The following TNS2 variants were observed in gnomAD, a reference collection of about 807,000 sequenced individuals.
TNS2 encodes the protein tensin 2.
Under a neutral mutation model 155.7 loss-of-function variants are expected in TNS2, and 77 were observed. The observed-to-expected ratio is 0.49, with a 90% CI of 0.41 to 0.60. The LOEUF (loss-of-function observed/expected upper bound fraction) is 0.60. Ranked by LOEUF, TNS2 falls within the 20% of genes least tolerant of loss-of-function variation. TNS2 has a pLI of 0.00. For synonymous variants in TNS2, 726 were observed against 763.9 expected, an observed-to-expected ratio of 0.95 and a Z score of 0.82; for missense variants, 1,703 against 1,868.8, an observed-to-expected ratio of 0.91 and a Z score of 1.64.
rs1232161429 is a variant in TNS2 at position 53,058,387 on chromosome 12, C to T, written c.1167C>T (p.Cys389=). 1.9e-6 allele frequency: 3 copies of T among 1,614,206 alleles called. No homozygotes were observed. Among genetic ancestry groups the T allele is most frequent in the Non-Finnish European group, 8.5e-7 (1 of 1,180,030 alleles). ...TLVFRVQFHT[C]TIHGPQLTFP... ...TGTTCCGAGTCCAGTTCCACACCTG[C>T]ACCATCCACGGACCACAGCTCACTT... is the stretch of plus-strand genomic sequence containing the variant. Residue 389 remains cysteine, a synonymous_variant, in exon 15 of 29, where the codon TGC becomes TGT. Transcript: ENST00000314250.
chr12:53,048,571 C>A (rs1943811212), upstream of TNS2, among the ~76,000 whole-genome samples: 1 of 152,172 alleles, frequency 6.6e-6, no homozygotes. Flanking sequence ...CACAGCCAGG[C>A]TGGCAGGATG....
chr12:53,058,523 A>G, intron 15 of TNS2, 49 bp from the exon 16 acceptor site: 1 of 1,612,444 alleles, frequency 6.2e-7, no homozygotes, highest in Middle Eastern at 1.6e-4. Context: ...CAGGCAGGAG[A>G]GTGTGGTATG....
intron 1 of TNS2, among the ~76,000 whole-genome samples, chr12:53,051,346 C>T (rs1943923696): frequency 6.6e-6 from 1 of 152,138 alleles, no homozygotes; most frequent in Admixed American, 6.5e-5. Flanking sequence ...GGGAGGAGGG[C>T]ATGTCAGCTG....
At position 53,060,644 on chromosome 12, in the gene TNS2, T is replaced by A. The variant is rs750074180; in HGVS notation, c.2769-31T>A. 6 of 1,584,722 alleles carry A rather than the reference T, an allele frequency of 3.8e-6. No individual in the cohort carries two copies. The African/African-American group carries it at 6.7e-5, about 18-fold the overall frequency. On this transcript the variant is annotated intron_variant, in intron 19 of 28. Coordinates refer to ENST00000314250, the MANE Select transcript of TNS2 (RefSeq NM_170754.4). This position sits in a 1 kb window ranked among gnomAD's most constrained non-coding sequence, Gnocchi z 6.1. ...GGGTGGGAGCAGCCACAATGGGGGC[T>A]CTGCTGACCATCTGCCCTTCCACCC...
rs11170389 is a variant in TNS2, at chr12:53,058,065, G to C, written c.1058G>C (p.Ser353Thr). Residue 353 changes from serine (S) to threonine (T), a missense_variant, in exon 14 of 29, where the codon AGC becomes ACC. Physicochemically the swap from Ser to Thr is moderately conservative, Grantham distance 58. Coordinates refer to ENST00000314250, the MANE Select transcript of TNS2 (RefSeq NM_170754.4). ...CCTGGTCCCCAGCAGCTTTGCATCAGCCTGGAGCCAGCCCTCCTCCTCAAA... is the reference window on the plus strand; with the variant it reads ...CCTGGTCCCCAGCAGCTTTGCATCACCCTGGAGCCAGCCCTCCTCCTCAAA... ...AGPGPQQLCISLEPALLLKGD... is the reference protein window; with the variant it reads ...AGPGPQQLCITLEPALLLKGD... 0.027 allele frequency: 44,232 copies of C among 1,614,108 alleles called. 1,053 individuals carry two copies. The highest frequency in any genetic ancestry group is 0.16 in the East Asian group (7,015 of 44,868).
intron 21 of TNS2, 92 bp from the exon 22 acceptor site, chr12:53,061,723 T>C (rs780251587): frequency 9.7e-6 from 15 of 1,544,186 alleles, no homozygotes; most frequent in Non-Finnish European, 1.2e-5. Flanking sequence ...GCAGAGACCA[T>C]GGAGCTTGGC....
intron 7 of TNS2, among the ~76,000 whole-genome samples, chr12:53,054,829 C>A (rs550544711): frequency 1.3e-5 from 2 of 149,952 alleles, no homozygotes; most frequent in Non-Finnish European, 1.5e-5. Flanking sequence ...GCGTCACTCA[C>A]GCCCAGCCAA....
At position 53,050,183 on chromosome 12, in the gene TNS2, A is replaced by C. The variant is rs752993359; in HGVS notation, c.-3A>C. On this transcript the variant is annotated 5_prime_UTR_variant, in exon 1 of 29. Coordinates refer to ENST00000314250, the MANE Select transcript of TNS2 (RefSeq NM_170754.4). The surrounding 1 kb of genome is among the most constrained non-coding windows in gnomAD (Gnocchi z 4.7). ...GGGCCAGCACCCCAGCCAGCCGAAC[A>C]CCATGAAGTCCAGCGGCCCTGTGGA... is the stretch of plus-strand genomic sequence containing the variant. 6.2e-7 allele frequency: 1 copy of C among 1,610,928 alleles called. No individual in the cohort carries two copies. The highest frequency in any genetic ancestry group is 8.5e-7 in the Non-Finnish European group (1 of 1,179,242).
At chr12:53,051,993 C>T (rs201727049) in intron 2 of TNS2, 30 bp downstream of exon 2, 1 of 1,565,648 alleles carries the variant, frequency 6.4e-7, no homozygotes, top group East Asian at 2.2e-5. Flanking sequence ...GACTCTGAGA[C>T]CCTCCACCCA....
At chr12:53,054,123 C>T in intron 6 of TNS2, 109 bp downstream of exon 6, 1 of 1,573,020 alleles carries the variant, frequency 6.4e-7, no homozygotes, top group Non-Finnish European at 8.7e-7. Flanking sequence ...CCCCCCACCC[C>T]CAAAGCGGTA....
chr12:53,055,681 A>G lies in TNS2; in HGVS notation c.687A>G (p.Leu229=), dbSNP rs1442651652. 1.2e-6 allele frequency: 2 copies of G among 1,614,164 alleles called. No individual in the cohort carries two copies. The highest frequency in any genetic ancestry group is 1.7e-6 in the Non-Finnish European group (2 of 1,180,030). Residue 229 remains leucine (L), a synonymous_variant, in exon 9 of 29, where the codon CTA becomes CTG. Transcript: ENST00000314250. The stretch of plus-strand genomic sequence containing the variant: ...CTGACCCACAGCACGTGGTCGTACT[A>G]TACTGCAAGGTGGGCCAGGACCTCG... ...LSADPQHVVV[L]YCKGNKGKLG...
intron 3 of TNS2, 65 bp downstream of exon 3, chr12:53,052,557 C>A: frequency 1.3e-6 from 2 of 1,598,700 alleles, no homozygotes; most frequent in Non-Finnish European, 1.7e-6. Flanking sequence ...CCCAAACAGG[C>A]TTCTGCAACC....
At chr12:53,061,662 T>C (rs1944388773) in intron 21 of TNS2, 153 bp from the exon 22 acceptor site, 1 of 1,415,394 alleles carries the variant, frequency 7.1e-7, no homozygotes. Context: ...AAAACCCCTG[T>C]GAACTCTAGA....
At chr12:53,047,565 A>G (rs1216962392), upstream of TNS2, among the ~76,000 whole-genome samples, 1 of 149,640 alleles carries the variant, frequency 6.7e-6, no homozygotes, top group African/African-American at 2.5e-5. Context: ...AGGCCGGGAC[A>G]GTGACTAGGG....
chr12:53,049,257 C>T (rs201457662), upstream of TNS2: 55 of 1,605,876 alleles, frequency 3.4e-5, no homozygotes, highest in East Asian at 1.2e-3. Context: ...AGGTAGTACT[C>T]AGGCTTCGGG....
intron 2 of TNS2, chr12:53,052,222 C>A: frequency 1.6e-6 from 1 of 624,316 alleles, no homozygotes; most frequent in East Asian, 2.8e-5. Context: ...TCCCTCTCTT[C>A]CTCCTCACCT....
At chr12:53,062,811 G>A in intron 25 of TNS2, 114 bp downstream of exon 25, 1 of 1,255,444 alleles carries the variant, frequency 8.0e-7, no homozygotes. Context: ...GCCAACCCAT[G>A]AGGGCAGGGG....
chr12:53,063,852 C>G lies in TNS2; in HGVS notation c.4200C>G (p.Ile1400Met). The stretch of plus-strand genomic sequence containing the variant: ...CTGCTGGCGCCATTGTCACCTTCAT[C>G]ACCAAAGTTCTACTGGGCCAGAGAA... ...DQPAGAIVTF[I>M]TKVLLGQRK The change falls in exon 29 of 29, where the codon ATC becomes ATG. Residue 1400 changes from isoleucine (I) to methionine (M), a missense_variant. By Grantham distance (10) the Ile-to-Met change is conservative. Transcript: ENST00000314250. This position sits in a 1 kb window ranked among gnomAD's most constrained non-coding sequence, Gnocchi z 5.6. 6.2e-7 allele frequency: 1 copy of G among 1,614,118 alleles called. No individual in the cohort carries two copies. The highest frequency in any genetic ancestry group is 8.5e-7 in the Non-Finnish European group (1 of 1,180,012).
In TNS2 at chr12:53,061,228, G is replaced by A. The variant is rs370316540; in HGVS notation, c.3322G>A (p.Ala1108Thr). ...AGGCATCAGTCACCATGTCACCTTC[G>A]CACCTCTGCTCTCAGATAATGTCCC... is the stretch of plus-strand genomic sequence containing the variant. ...ARGISHHVTFAPLLSDNVPQT... is the reference protein window; with the variant it reads ...ARGISHHVTFTPLLSDNVPQT... The change falls in exon 20 of 29, where the codon GCA becomes ACA. Residue 1108 changes from alanine (A) to threonine (T), a missense_variant. Coordinates refer to ENST00000314250, the MANE Select transcript of TNS2 (RefSeq NM_170754.4). The A allele has an allele frequency of 2.0e-5, 31 of 1,569,774 alleles. No homozygotes were observed. In the East Asian group the frequency reaches 4.0e-4, roughly 20 times the overall value.
Sources: gnomAD v4.1 joint callset for allele counts (sites outside exome capture counted in the v4.1 genomes callset) on GRCh38, gnomAD v4.1.1 for gene constraint, Gnocchi (gnomAD v3.1) non-coding constraint, MANE v1.5 for transcripts, NCBI Gene and HGNC (gene_info 2026-07-23, HGNC 2026-07-21) for gene names.